PTPRO: variants seen among roughly 807,000 people sequenced by gnomAD.
The protein encoded by PTPRO is receptor-type tyrosine-protein phosphatase O.
PTPRO carries 62 observed loss-of-function variants against 145.2 expected under a neutral mutation model. The observed-to-expected ratio is 0.43, with a 90% CI of 0.35 to 0.53. The LOEUF (loss-of-function observed/expected upper bound fraction) is 0.53. PTPRO is among the 20% of genes least tolerant of loss of function. The probability of loss-of-function intolerance (pLI) is 0.01; values close to 1 mark genes in which losing one functional copy is unlikely to be tolerated. For synonymous variants in PTPRO, 565 were observed against 514.7 expected, an observed-to-expected ratio of 1.10 and a Z score of -1.32; for missense variants, 1,345 against 1,482.7, an observed-to-expected ratio of 0.91 and a Z score of 1.53.
intron 1 of PTPRO, among the ~76,000 whole-genome samples, chr12:15,433,610 G>A (rs1940513575): frequency 6.6e-6 from 1 of 152,190 alleles, no homozygotes. Flanking sequence ...TTATTGAATA[G>A]GGAGTCTTTT....
chr12:15,537,311 A>G (rs1428034146), intron 12 of PTPRO, among the ~76,000 whole-genome samples: 3 of 152,230 alleles, frequency 2.0e-5, no homozygotes, highest in African/African-American at 7.2e-5. Context: ...TAAAGAAAAA[A>G]TAATGCTATC....
At chr12:15,441,771 G>A (rs116710441) in intron 1 of PTPRO, among the ~76,000 whole-genome samples, 4,376 of 152,008 alleles carry the variant, frequency 0.029, 228 homozygotes, top group African/African-American at 0.1. Flanking sequence ...ATAAATTCTG[G>A]GAAACACACA....
intron 1 of PTPRO, among the ~76,000 whole-genome samples, chr12:15,363,766 C>T (rs1938278795): frequency 6.6e-6 from 1 of 151,996 alleles, no homozygotes; most frequent in African/African-American, 2.4e-5. Flanking sequence ...GGACTTACAG[C>T]TCTTTGCAAA....
intron 18 of PTPRO, among the ~76,000 whole-genome samples, chr12:15,567,761 A>G (rs1159178737): frequency 6.6e-6 from 1 of 152,124 alleles, no homozygotes; most frequent in Admixed American, 6.5e-5. Flanking sequence ...GAAGTGGGAA[A>G]AGCTTTGAAC....
intron 23 of PTPRO, among the ~76,000 whole-genome samples, chr12:15,583,598 C>T (rs1203102887): frequency 6.6e-6 from 1 of 152,020 alleles, no homozygotes; most frequent in Admixed American, 6.6e-5. Context: ...TTTATTAGAA[C>T]ACAGCCTGCA....
intron 1 of PTPRO, among the ~76,000 whole-genome samples, chr12:15,354,604 CACT>C (rs1237408524): frequency 6.6e-6 from 1 of 152,128 alleles, no homozygotes; most frequent in African/African-American, 2.4e-5. Context: ...CTAAGAGAAT[CACT>C]AAGCATTTAT....
chr12:15,520,177 T>C (rs1942685440), intron 9 of PTPRO, 24 bp from the exon 10 acceptor site: 1 of 1,536,722 alleles, frequency 6.5e-7, no homozygotes, highest in South Asian at 1.1e-5. Context: ...GTCTTTTGTC[T>C]CCTTGCTTGC....
intron 1 of PTPRO, among the ~76,000 whole-genome samples, chr12:15,327,077 T>C (rs1168301643): frequency 6.6e-6 from 1 of 152,242 alleles, no homozygotes; most frequent in East Asian, 1.9e-4. Flanking sequence ...ATTGTAATAT[T>C]GACTTGTGAA....
At chr12:15,456,716 G>A (rs1252135158) in intron 1 of PTPRO, among the ~76,000 whole-genome samples, 1 of 152,014 alleles carries the variant, frequency 6.6e-6, no homozygotes, top group African/African-American at 2.4e-5. Context: ...TAAAAATACA[G>A]CCATGTCTTC....
Position 15,409,603 on chromosome 12 carries a change from G to C in PTPRO, c.76-74371G>C, listed in dbSNP as rs956344407. On this transcript the variant is annotated intron_variant, in intron 1 of 26. Transcript: ENST00000281171. ...AAGAAAAGAACTTTAATGGGTTCCT[G>C]GTTCTGTAGATTGTACAGGAAGTAG... is the stretch of plus-strand genomic sequence containing the variant. 2.0e-5 allele frequency among the ~76,000 whole-genome samples: 3 copies of C among 152,270 alleles called. No individual in the cohort carries two copies. The East Asian group carries it at 5.8e-4, about 29-fold the overall frequency.
At chr12:15,407,338 CA>C (rs1323068505) in intron 1 of PTPRO, among the ~76,000 whole-genome samples, 1 of 152,202 alleles carries the variant, frequency 6.6e-6, no homozygotes, top group African/African-American at 2.4e-5. Flanking sequence ...TGTGCATAAA[CA>C]AAAAACTACC....
chr12:15,325,079 A>G (rs892662276), intron 1 of PTPRO, among the ~76,000 whole-genome samples: 10 of 152,242 alleles, frequency 6.6e-5, no homozygotes, highest in African/African-American at 2.4e-4. Flanking sequence ...GCCGAGTCAG[A>G]AATGAAACAT....
intron 2 of PTPRO, among the ~76,000 whole-genome samples, chr12:15,495,475 G>A (rs772020941): frequency 1.7e-4 from 26 of 151,274 alleles, no homozygotes; most frequent in Non-Finnish European, 3.2e-4. Context: ...TAAATGTAAA[G>A]TTTAAACTAA....
chr12:15,419,208 C>G (rs990205623), intron 1 of PTPRO, among the ~76,000 whole-genome samples: 1 of 142,698 alleles, frequency 7.0e-6, no homozygotes, highest in African/African-American at 2.7e-5. Context: ...GCATTTGTGC[C>G]GACAAGTCCA....
At chr12:15,539,867 GA>G (rs1450111864) in intron 12 of PTPRO, among the ~76,000 whole-genome samples, 1 of 146,536 alleles carries the variant, frequency 6.8e-6, no homozygotes, top group Non-Finnish European at 1.5e-5. Flanking sequence ...TTATATATAG[GA>G]AAAAGGCCTC....
At chr12:15,497,050 C>A (rs1437543160) in intron 2 of PTPRO, among the ~76,000 whole-genome samples, 195 bp from the exon 3 acceptor site, 1 of 152,202 alleles carries the variant, frequency 6.6e-6, no homozygotes, top group Non-Finnish European at 1.5e-5. Context: ...AAGCAGAAAG[C>A]ACCATATAAA....
chr12:15,423,519 C>G (rs541375488), intron 1 of PTPRO, among the ~76,000 whole-genome samples: 1 of 151,832 alleles, frequency 6.6e-6, no homozygotes, highest in African/African-American at 2.4e-5. Context: ...CTAGAAAGTT[C>G]TATGCACTTA....
chr12:15,365,886 G>A (rs976247288), intron 1 of PTPRO, among the ~76,000 whole-genome samples: 1 of 152,100 alleles, frequency 6.6e-6, no homozygotes, highest in African/African-American at 2.4e-5. Context: ...AAATATGTAA[G>A]GAATAATATT....
intron 19 of PTPRO, 103 bp downstream of exon 19, chr12:15,569,601 A>G (rs1340084410): frequency 3.2e-5 from 33 of 1,043,214 alleles, no homozygotes; most frequent in Non-Finnish European, 4.7e-5. Flanking sequence ...GTGCGTAACA[A>G]AAAGGGTATT....
Sources: allele counts gnomAD v4.1 joint callset (sites outside exome capture counted in the v4.1 genomes callset), GRCh38; gene constraint gnomAD v4.1.1; transcripts MANE v1.5; gene names NCBI Gene and HGNC (gene_info 2026-07-23, HGNC 2026-07-21).